The following NDUFS1 variants were observed in gnomAD, a reference collection of about 807,000 sequenced individuals.
NDUFS1 encodes the protein NADH-ubiquinone oxidoreductase 75 kDa subunit, mitochondrial.
A neutral mutation model predicts 84.4 loss-of-function variants in NDUFS1; 61 were observed. The observed-to-expected ratio is 0.72, with a 90% CI of 0.59 to 0.89. NDUFS1 has a LOEUF of 0.89. Ranked by LOEUF, NDUFS1 falls within the 40% of genes least tolerant of loss-of-function variation. The pLI is 0.00. For missense variants in NDUFS1, 891 were observed against 890.0 expected, an observed-to-expected ratio of 1.00 and a Z score of -0.01; for synonymous variants, 275 against 290.0, an observed-to-expected ratio of 0.95 and a Z score of 0.53.
At position 206,123,990 on chromosome 2, in the gene NDUFS1, T is replaced by C. The variant is rs2105939763; in HGVS notation, c.*195A>G. On this transcript the variant is annotated 3_prime_UTR_variant, in exon 19 of 19. Coordinates refer to ENST00000233190, the MANE Select transcript of NDUFS1 (RefSeq NM_005006.7). ...CTGCATAGTTTTGTTATTTAACCTT[T>C]ACACACAATACATGTTTTTCAAACT... 2 of 567,276 alleles carry C rather than the reference T, an allele frequency of 3.5e-6. No homozygotes were observed. Among genetic ancestry groups the C allele is most frequent in the Admixed American group, 3.2e-5 (1 of 31,426 alleles). The allele number at this position is 567,276 out of a possible 1,614,324, so 35.1% of individuals were successfully genotyped here.
At chr2:206,143,955 C>T (rs1692061251) in intron 10 of NDUFS1, 63 bp downstream of exon 10, 1 of 1,368,208 alleles carries the variant, frequency 7.3e-7, no homozygotes, top group African/African-American at 1.4e-5. Context: ...TCCCCCCCTT[C>T]ATGGCAAAGA....
At chr2:206,149,792 G>T in intron 4 of NDUFS1, 26 bp downstream of exon 4, 1 of 1,517,428 alleles carries the variant, frequency 6.6e-7, no homozygotes, top group Non-Finnish European at 9.2e-7. Flanking sequence ...TCTACAGCAT[G>T]GTGTAGAATT....
intron 13 of NDUFS1, among the ~76,000 whole-genome samples, chr2:206,137,987 C>A (rs2105960318): frequency 6.6e-6 from 1 of 152,238 alleles, no homozygotes; most frequent in African/African-American, 2.4e-5. Context: ...GCTTTGCTCT[C>A]TACATAAATG....
chr2:206,146,974 G>A lies in NDUFS1; in HGVS notation c.666C>T (p.Ile222=), dbSNP rs906676893. The part of the protein sequence containing the change: ...KMFMSELSGN[I]IDICPVGALT... ...GGGCACCTACAGGGCAGATATCAAT[G>A]ATATTCCCAGACAGTTCAGACATGA... Residue 222 remains isoleucine (I), a synonymous_variant, in exon 8 of 19, where the codon ATC becomes ATT. Transcript: ENST00000233190. The A allele has an allele frequency of 3.7e-6, 6 of 1,613,964 alleles. No individual in the cohort carries two copies. The highest frequency in any genetic ancestry group is 5.1e-6 in the Non-Finnish European group (6 of 1,179,970).
chr2:206,158,474 G>T (rs1386245668), intron 1 of NDUFS1, among the ~76,000 whole-genome samples: 1 of 152,108 alleles, frequency 6.6e-6, no homozygotes, highest in Non-Finnish European at 1.5e-5. Context: ...CTTCTTTACG[G>T]ACTCATTTCT....
Position 206,119,454 on chromosome 2 carries a change from G to A in NDUFS1, c.*4731C>T, listed in dbSNP as rs1349179023. ...AGACAGAGTCTCACTCTGTCACCCA[G>A]GCTGGAGTGCAACGGTGCAATCTTG... On this transcript the variant is annotated 3_prime_UTR_variant, in exon 19 of 19. Coordinates refer to ENST00000233190, the MANE Select transcript of NDUFS1 (RefSeq NM_005006.7). 2 of 152,094 alleles carry A rather than the reference G, an allele frequency of 1.3e-5. No individual in the cohort carries two copies. Among genetic ancestry groups the A allele is most frequent in the African/African-American group, 2.4e-5 (1 of 41,412 alleles). The allele number at this position is 152,094 out of a possible 1,614,324, so 9.4% of individuals were successfully genotyped here. A position where few individuals can be genotyped will look rare whatever the true frequency, so the allele number is the denominator to read the frequency against.
chr2:206,144,248 C>T, intron 9 of NDUFS1, 116 bp from the exon 10 acceptor site: 1 of 748,600 alleles, frequency 1.3e-6, no homozygotes, highest in South Asian at 1.5e-5. Context: ...TGTCAAATAT[C>T]TAAACACCTA....
Position 206,153,933 on chromosome 2 carries a change from T to C in NDUFS1, c.-4-251A>G, listed in dbSNP as rs13414581. ...TTCTAATTCTATGCAGAGAGCAGTT[T>C]TGCCATTTAAAAAAAAATGACATAG... On this transcript the variant is annotated intron_variant, in intron 1 of 18. Coordinates refer to ENST00000233190, the MANE Select transcript of NDUFS1 (RefSeq NM_005006.7). Among the ~76,000 whole-genome samples, 4,003 of 152,248 alleles carry C rather than the reference T, an allele frequency of 0.026. 179 individuals carry two copies. Among genetic ancestry groups the C allele is most frequent in the African/African-American group, 0.092 (3,808 of 41,550 alleles).
intron 14 of NDUFS1, among the ~76,000 whole-genome samples, chr2:206,132,401 T>A (rs889839535): frequency 6.6e-6 from 1 of 152,048 alleles, no homozygotes. Flanking sequence ...CTGGGCAACA[T>A]AGTGAGACTT....
chr2:206,142,358 GC>G (rs1691995027), intron 11 of NDUFS1, among the ~76,000 whole-genome samples: 1 of 152,054 alleles, frequency 6.6e-6, no homozygotes, highest in African/African-American at 2.4e-5. Flanking sequence ...AATTACAGGC[GC>G]ACACCACCAC....
rs758677146 is a variant in NDUFS1 at position 206,145,053 on chromosome 2, T to C, written c.738-27A>G. On this transcript the variant is annotated intron_variant, in intron 8 of 18. Transcript: ENST00000233190. ...TGAGAAACACATACGGTGTTTACTA[T>C]GGTGCTTTTGGGAATAAAGAAAGTT... 2.5e-5 allele frequency: 40 copies of C among 1,570,470 alleles called. No homozygotes were observed. In the East Asian group the frequency reaches 5.2e-4, roughly 21 times the overall value.
Position 206,121,728 on chromosome 2 carries a change from A to C in NDUFS1, c.*2457T>G, listed in dbSNP as rs1691101239. ...CAGCCTGCCAAAGTGCTGGGATTAC[A>C]GGTGTGAGCCACCGCGCCCGGTCCA... On this transcript the variant is annotated 3_prime_UTR_variant, in exon 19 of 19. Coordinates refer to ENST00000233190, the MANE Select transcript of NDUFS1 (RefSeq NM_005006.7). 6.6e-6 allele frequency: 1 copy of C among 152,256 alleles called. No homozygotes were observed. The highest frequency in any genetic ancestry group is 1.5e-5 in the Non-Finnish European group (1 of 68,124). 9.4% of individuals were successfully genotyped at this position (152,256 alleles called of 1,614,324 possible).
At chr2:206,148,996 C>T in intron 5 of NDUFS1, 24 bp downstream of exon 5, 1 of 1,541,486 alleles carries the variant, frequency 6.5e-7, no homozygotes, top group Non-Finnish European at 9.0e-7. Flanking sequence ...TGAAAGGGTA[C>T]TACATTGAAT....
rs1239845267 is a variant in NDUFS1, at chr2:206,147,530, C to T, written c.551+1G>A. The T allele has an allele frequency of 3.7e-6, 6 of 1,612,814 alleles. No individual in the cohort carries two copies. The East Asian group carries it at 1.1e-4, about 30-fold the overall frequency. ...ATAGAAAAAAAAGGAAAAAAAGTTACCTGATGCAGCGAGTACACTGTATAC... is the reference window on the plus strand; with the variant it reads ...ATAGAAAAAAAAGGAAAAAAAGTTATCTGATGCAGCGAGTACACTGTATAC... On this transcript the variant is annotated splice_donor_variant, in intron 7 of 18. Transcript: ENST00000233190. LOFTEE classifies it high-confidence loss of function.
chr2:206,126,856 C>G lies in NDUFS1; in HGVS notation c.1885-12G>C, dbSNP rs747313080. 65 of 1,613,786 alleles carry G rather than the reference C, an allele frequency of 4.0e-5. No individual in the cohort carries two copies. Among genetic ancestry groups the G allele is most frequent in the Non-Finnish European group, 5.3e-5 (62 of 1,179,982 alleles). On this transcript the variant is annotated splice_polypyrimidine_tract_variant and intron_variant, in intron 16 of 18. Coordinates refer to ENST00000233190, the MANE Select transcript of NDUFS1 (RefSeq NM_005006.7). ...GTCATTCCAGCAATCTACAACATGTCAGGTCCCCAAAAACAACAAAAAGCT... is the reference window on the plus strand; with the variant it reads ...GTCATTCCAGCAATCTACAACATGTGAGGTCCCCAAAAACAACAAAAAGCT...
At chr2:206,147,291 A>T (rs186632244) in intron 7 of NDUFS1, among the ~76,000 whole-genome samples, 80 of 152,358 alleles carry the variant, frequency 5.3e-4, no homozygotes, top group Non-Finnish European at 7.9e-4. Flanking sequence ...TGTACAAATC[A>T]TATGTGTACA....
chr2:206,137,043 A>G (rs761110210), intron 13 of NDUFS1, among the ~76,000 whole-genome samples: 3 of 152,012 alleles, frequency 2.0e-5, no homozygotes, highest in Non-Finnish European at 2.9e-5. Context: ...GTGAGCCACC[A>G]TGCCCGGCCA....
chr2:206,151,874 CT>C (rs201786995), intron 3 of NDUFS1, among the ~76,000 whole-genome samples: 1 of 151,362 alleles, frequency 6.6e-6, no homozygotes, highest in Admixed American at 6.6e-5. Flanking sequence ...AATTTCTTTT[CT>C]TTTTTTTTGA....
At chr2:206,132,905 T>C (rs1245109649) in intron 14 of NDUFS1, 40 bp downstream of exon 14, 1 of 1,550,972 alleles carries the variant, frequency 6.4e-7, no homozygotes, top group Non-Finnish European at 8.9e-7. Context: ...TACACAACAT[T>C]ACTTGAATTT....
Sources: gnomAD v4.1 joint callset for allele counts (sites outside exome capture counted in the v4.1 genomes callset) on GRCh38, gnomAD v4.1.1 for gene constraint, MANE v1.5 for transcripts, NCBI Gene and HGNC (gene_info 2026-07-23, HGNC 2026-07-21) for gene names.